NFATC3: variants seen among roughly 807,000 people sequenced by gnomAD.
The protein encoded by NFATC3 is nuclear factor of activated T-cells, cytoplasmic 3.
A neutral mutation model predicts 98.6 loss-of-function variants in NFATC3; 46 were observed. The ratio of observed to expected loss-of-function variants is 0.47; its 90% CI spans 0.37 to 0.60. The LOEUF (loss-of-function observed/expected upper bound fraction) is 0.60, where lower values mean the gene tolerates loss of function less well. NFATC3 is among the 20% of genes least tolerant of loss of function. The pLI is 0.00. For missense variants in NFATC3, 1,256 were observed against 1,295.5 expected (o/e 0.97, Z 0.47); for synonymous variants, 512 against 472.2 (o/e 1.08, Z -1.09).
Position 68,122,818 on chromosome 16 carries a change from A to T in NFATC3, c.935A>T (p.Asn312Ile), listed in dbSNP as rs754817274. 2 of 1,614,216 alleles carry T rather than the reference A, an allele frequency of 1.2e-6. No individual in the cohort carries two copies. Among genetic ancestry groups the T allele is most frequent in the Non-Finnish European group, 1.7e-6 (2 of 1,180,030 alleles). Residue 312 changes from asparagine (N) to isoleucine (I), a missense_variant, in exon 2 of 10, where the codon AAT becomes ATT. Physicochemically the swap from Asn to Ile is moderately radical, Grantham distance 149 (BLOSUM62 -3). Around this residue, in one of 3 missense-constraint regions of NFATC3, gnomAD observed 464 missense variants for 465.7 expected, o/e 1.00. Coordinates refer to ENST00000346183, the MANE Select transcript of NFATC3 (RefSeq NM_173165.3). The stretch of plus-strand genomic sequence containing the variant: ...AGTGTGACAGAAGATACGTGGCTCA[A>T]TGCTTCTGTCCATGGTGGGTCAGGC... ...RGSVTEDTWLNASVHGGSGLG... is the reference protein window; with the variant it reads ...RGSVTEDTWLIASVHGGSGLG...
rs555908391 is a variant in NFATC3, at chr16:68,101,730, G to A, written c.103+15946G>A. 7.9e-5 allele frequency among the ~76,000 whole-genome samples: 12 copies of A among 151,878 alleles called. No homozygotes were observed. In the South Asian group the frequency reaches 1.9e-3, roughly 24 times the overall value. Reference sequence around the variant, plus strand: ...GATCCCCTGACCTCATGATCCGCCCGCCTCTGCCTCCCAAAGTGCTGGGAT... The same window carrying A: ...GATCCCCTGACCTCATGATCCGCCCACCTCTGCCTCCCAAAGTGCTGGGAT... On this transcript the variant is annotated intron_variant, in intron 1 of 9. Coordinates refer to ENST00000346183, the MANE Select transcript of NFATC3 (RefSeq NM_173165.3).
rs142084537 is a variant in NFATC3, at chr16:68,111,079, C to T, written c.104-10908C>T. On this transcript the variant is annotated intron_variant, in intron 1 of 9. Coordinates refer to ENST00000346183, the MANE Select transcript of NFATC3 (RefSeq NM_173165.3). ...AGTGTTTTACTTCCAAGTATGTGAT[C>T]GAATCTAGAGTAAGTGCCATGTGGC... is the stretch of plus-strand genomic sequence containing the variant. Among the ~76,000 whole-genome samples the T allele has an allele frequency of 6.6e-5, 10 of 152,204 alleles. No individual in the cohort carries two copies. The East Asian group carries it at 1.5e-3, about 24-fold the overall frequency.
At chr16:68,121,835 C>G in intron 1 of NFATC3, 152 bp from the exon 2 acceptor site, 1 of 822,310 alleles carries the variant, frequency 1.2e-6, no homozygotes. Context: ...ACACATGCCA[C>G]TTCTTTAGTG....
chr16:68,190,143 G>A (rs942566445), intron 8 of NFATC3, among the ~76,000 whole-genome samples: 1 of 152,200 alleles, frequency 6.6e-6, no homozygotes, highest in African/African-American at 2.4e-5. Flanking sequence ...TTTGTATCCT[G>A]CAACTTTGCA....
chr16:68,219,323 C>T lies in NFATC3; in HGVS notation c.3107-7027C>T, dbSNP rs141434267. On this transcript the variant is annotated intron_variant, in intron 9 of 9. Transcript: ENST00000346183. The stretch of plus-strand genomic sequence containing the variant: ...GCTTGAACCCGGGAGGCGGAGGTTG[C>T]GGTGAGCTGAGATCATGCCACTGCA... 7.9e-3 allele frequency among the ~76,000 whole-genome samples: 1,199 copies of T among 151,992 alleles called. 21 individuals carry two copies. Among genetic ancestry groups the T allele is most frequent in the African/African-American group, 0.027 (1,137 of 41,450 alleles).
chr16:68,202,479 C>T (rs1396243773), intron 9 of NFATC3, among the ~76,000 whole-genome samples: 1 of 152,172 alleles, frequency 6.6e-6, no homozygotes, highest in Non-Finnish European at 1.5e-5. Context: ...TGTTCTCTTG[C>T]ACCTGTTGGT....
Position 68,211,513 on chromosome 16 carries a change from G to T in NFATC3, c.3107-14837G>T, listed in dbSNP as rs190671476. ...AACTCTTCTTCTGTAAATGTTTTTT[G>T]TTGTTGTTGTTGTTGTTGTTGTTGT... is the stretch of plus-strand genomic sequence containing the variant. On this transcript the variant is annotated intron_variant, in intron 9 of 9. Coordinates refer to ENST00000346183, the MANE Select transcript of NFATC3 (RefSeq NM_173165.3). Among the ~76,000 whole-genome samples, 292 of 114,870 alleles carry T rather than the reference G, an allele frequency of 2.5e-3. 3 individuals carry two copies. The highest frequency in any genetic ancestry group is 7.2e-3 in the African/African-American group (254 of 35,410). The allele number at this position is 114,870 out of a possible 152,430, so 75.4% of individuals were successfully genotyped here.
chr16:68,135,881 C>T (rs1048067505), intron 3 of NFATC3, among the ~76,000 whole-genome samples: 17 of 151,692 alleles, frequency 1.1e-4, no homozygotes, highest in Admixed American at 2.0e-4. Flanking sequence ...TGGGCAACAC[C>T]GTGAAACCCC....
At chr16:68,148,736 G>T (rs981643168) in intron 3 of NFATC3, among the ~76,000 whole-genome samples, 1 of 152,206 alleles carries the variant, frequency 6.6e-6, no homozygotes, top group Admixed American at 6.5e-5. Context: ...GACCGGGCAC[G>T]GTGGTTCACA....
At chr16:68,145,293 G>A (rs1000200676) in intron 3 of NFATC3, among the ~76,000 whole-genome samples, 2 of 151,914 alleles carry the variant, frequency 1.3e-5, no homozygotes, top group African/African-American at 2.4e-5. Context: ...ACAGGTGTGC[G>A]CCACCATGCC....
At chr16:68,103,154 T>C (rs1248986056) in intron 1 of NFATC3, among the ~76,000 whole-genome samples, 1 of 151,656 alleles carries the variant, frequency 6.6e-6, no homozygotes, top group African/African-American at 2.4e-5. Flanking sequence ...ATTCTGTAGG[T>C]TGTCTTTTCA....
At chr16:68,185,862 C>CAAAAA (rs764335192) in intron 8 of NFATC3, among the ~76,000 whole-genome samples, 2 of 49,354 alleles carry the variant, frequency 4.1e-5, no homozygotes, top group Non-Finnish European at 9.0e-5. Flanking sequence ...GACTCCGTCT[C>CAAAAA]AAAAAAAAAA....
intron 1 of NFATC3, among the ~76,000 whole-genome samples, chr16:68,111,323 A>T (rs1598380601): frequency 6.6e-6 from 1 of 152,166 alleles, no homozygotes; most frequent in Non-Finnish European, 1.5e-5. Flanking sequence ...GGGTGCATAT[A>T]TATTTAGGAT....
At chr16:68,181,573 G>T in intron 7 of NFATC3, 43 bp downstream of exon 7, 1 of 1,369,046 alleles carries the variant, frequency 7.3e-7, no homozygotes, top group South Asian at 1.2e-5. Context: ...TTAAGACACT[G>T]AATAGAAAAT....
intron 1 of NFATC3, among the ~76,000 whole-genome samples, chr16:68,121,640 T>G (rs564454601): frequency 2.8e-4 from 40 of 144,742 alleles, no homozygotes; most frequent in African/African-American, 1.0e-3. Flanking sequence ...ACCATTGCAC[T>G]CCAGTCTAGG....
At position 68,135,842 on chromosome 16, in the gene NFATC3, C is replaced by T. The variant is rs192603501; in HGVS notation, c.1401+9232C>T. Reference sequence around the variant, plus strand: ...CTTTGGGAGGCCGAGGCAGGTGGATCACCCAAGGTCAGGAGTTCGAGACCA... The same window carrying T: ...CTTTGGGAGGCCGAGGCAGGTGGATTACCCAAGGTCAGGAGTTCGAGACCA... On this transcript the variant is annotated intron_variant, in intron 3 of 9. Coordinates refer to ENST00000346183, the MANE Select transcript of NFATC3 (RefSeq NM_173165.3). Among the ~76,000 whole-genome samples, 286 of 152,248 alleles carry T rather than the reference C, an allele frequency of 1.9e-3. 1 individual carries two copies. The highest frequency in any genetic ancestry group is 3.3e-3 in the Non-Finnish European group (225 of 68,020).
chr16:68,123,546 G>A (rs13336851), intron 2 of NFATC3, among the ~76,000 whole-genome samples: 1 of 150,090 alleles, frequency 6.7e-6, no homozygotes, highest in African/African-American at 2.5e-5. Flanking sequence ...TCTGCCTGTA[G>A]TCCTAGCTGC....
intron 5 of NFATC3, among the ~76,000 whole-genome samples, chr16:68,172,988 G>A (rs1295727150): frequency 6.6e-6 from 1 of 152,126 alleles, no homozygotes. Context: ...TGGGCCCAGT[G>A]GCTCACACCT....
At chr16:68,158,134 T>A in intron 4 of NFATC3, 66 bp downstream of exon 4, 1 of 977,658 alleles carries the variant, frequency 1.0e-6, no homozygotes, top group Non-Finnish European at 1.5e-6. Context: ...AAAAAGTAAA[T>A]ATATTTTTGA....
Sources: allele counts gnomAD v4.1 joint callset (sites outside exome capture counted in the v4.1 genomes callset), GRCh38; gene constraint gnomAD v4.1.1; regional missense constraint gnomAD v4.1.1; transcripts MANE v1.5; gene names NCBI Gene and HGNC (gene_info 2026-07-23, HGNC 2026-07-21).